FYN: variants seen among roughly 807,000 people sequenced by gnomAD.
The protein encoded by FYN is tyrosine-protein kinase Fyn.
A neutral mutation model predicts 70.2 loss-of-function variants in FYN; 10 were observed. The observed-to-expected ratio is 0.14, with a 90% confidence interval of 0.09 to 0.24. The LOEUF (loss-of-function observed/expected upper bound fraction) is 0.24, where lower values mean the gene tolerates loss of function less well. Ranked by LOEUF, FYN falls within the 10% of genes least tolerant of loss-of-function variation. The pLI is 1.00. For missense variants in FYN, 319 were observed against 673.1 expected, an observed-to-expected ratio of 0.47 and a Z score of 5.82; for synonymous variants, 236 against 248.6, an observed-to-expected ratio of 0.95 and a Z score of 0.48.
intron 13 of FYN, among the ~76,000 whole-genome samples, chr6:111,666,219 T>C (rs1284987061): frequency 6.6e-6 from 1 of 152,098 alleles, no homozygotes; most frequent in Non-Finnish European, 1.5e-5. Flanking sequence ...AGGGAAACAA[T>C]GTCATAAACA....
intron 3 of FYN, among the ~76,000 whole-genome samples, chr6:111,759,593 T>A (rs953414410): frequency 8.5e-5 from 13 of 152,280 alleles, no homozygotes; most frequent in Middle Eastern, 3.4e-3. Context: ...GATCTTTTGG[T>A]TCCCCCCCTA....
chr6:111,751,591 A>G (rs1040383593), intron 3 of FYN, among the ~76,000 whole-genome samples: 1 of 151,712 alleles, frequency 6.6e-6, no homozygotes, highest in East Asian at 1.9e-4. Flanking sequence ...TATAGGACAG[A>G]TGTGCAGAAG....
At chr6:111,718,735 G>A (rs1164001353) in intron 4 of FYN, among the ~76,000 whole-genome samples, 3 of 152,180 alleles carry the variant, frequency 2.0e-5, no homozygotes, top group Admixed American at 6.5e-5. Context: ...TACTTAGCAC[G>A]TATTCAACCC....
At chr6:111,750,012 C>A (rs1041116473) in intron 3 of FYN, among the ~76,000 whole-genome samples, 4 of 152,104 alleles carry the variant, frequency 2.6e-5, no homozygotes, top group African/African-American at 9.7e-5. Flanking sequence ...AGTCTGACAT[C>A]TTTAACTTCT....
intron 9 of FYN, 39 bp downstream of exon 9, chr6:111,700,065 C>A (rs757253149): frequency 5.0e-6 from 8 of 1,589,440 alleles, no homozygotes; most frequent in Non-Finnish European, 5.2e-6. Context: ...ATCTTCCAAA[C>A]GGGGAAGCTA....
chr6:111,672,802 A>C (rs780742299), intron 13 of FYN, among the ~76,000 whole-genome samples: 1 of 152,150 alleles, frequency 6.6e-6, no homozygotes, highest in East Asian at 1.9e-4. Context: ...CAGTGACTGA[A>C]GCTACGCTGA....
In FYN at chr6:111,872,971, C is replaced by T. The variant is rs1344712748; in HGVS notation, c.-126G>A. 9 of 150,168 alleles carry T rather than the reference C, an allele frequency of 6.0e-5. No individual in the cohort carries two copies. The highest frequency in any genetic ancestry group is 2.0e-4 in the Admixed American group (3 of 15,110). 9.3% of individuals were successfully genotyped at this position (150,168 alleles called of 1,614,324 possible). ...CGCATCCCCGCCGCCTGCTTACCTG[C>T]GCGGCGCTGAGGCTCCGGAGCCCAC... On this transcript the variant is annotated 5_prime_UTR_variant, in exon 1 of 14. Transcript: ENST00000354650.
chr6:111,699,498 T>C (rs762214195), intron 9 of FYN: 2 of 1,606,232 alleles, frequency 1.2e-6, no homozygotes, highest in Admixed American at 1.7e-5. Context: ...CAAAACAAAA[T>C]GTGCCCTCTG....
chr6:111,816,347 C>T (rs1158839551), intron 2 of FYN, among the ~76,000 whole-genome samples: 6 of 152,078 alleles, frequency 3.9e-5, no homozygotes, highest in Admixed American at 6.5e-5. Flanking sequence ...AATAGTTACA[C>T]GATGCTAAAA....
At chr6:111,863,132 C>T (rs1040655127) in intron 1 of FYN, among the ~76,000 whole-genome samples, 3 of 152,152 alleles carry the variant, frequency 2.0e-5, no homozygotes, top group African/African-American at 7.2e-5. Context: ...CTACATTAGC[C>T]GGCACATCCA....
intron 3 of FYN, among the ~76,000 whole-genome samples, chr6:111,778,948 A>G (rs1224082352): frequency 6.6e-6 from 1 of 151,900 alleles, no homozygotes; most frequent in Non-Finnish European, 1.5e-5. Context: ...AAAGCATACA[A>G]CTGCATAAAT....
At chr6:111,763,021 A>C (rs946618129) in intron 3 of FYN, among the ~76,000 whole-genome samples, 4 of 152,182 alleles carry the variant, frequency 2.6e-5, no homozygotes, top group African/African-American at 9.7e-5. Flanking sequence ...TTTATCTTTC[A>C]GGCCCCCTGA....
At chr6:111,688,327 A>G (rs1422653712) in intron 12 of FYN, among the ~76,000 whole-genome samples, 2 of 152,190 alleles carry the variant, frequency 1.3e-5, no homozygotes, top group Non-Finnish European at 2.9e-5. Flanking sequence ...GTGTGCAAGG[A>G]ATATCAATGC....
chr6:111,869,450 G>C (rs578120019), intron 1 of FYN, among the ~76,000 whole-genome samples: 2 of 152,342 alleles, frequency 1.3e-5, no homozygotes, highest in East Asian at 3.9e-4. Context: ...GAGTACAGTG[G>C]TATGACCTCA....
intron 3 of FYN, among the ~76,000 whole-genome samples, chr6:111,779,596 A>T (rs533406682): frequency 6.6e-6 from 1 of 152,344 alleles, no homozygotes; most frequent in African/African-American, 2.4e-5. Flanking sequence ...AGCTTGTCTA[A>T]GAATGGGTCA....
chr6:111,713,544 C>T (rs534280429), intron 5 of FYN, among the ~76,000 whole-genome samples: 1 of 151,800 alleles, frequency 6.6e-6, no homozygotes, highest in Non-Finnish European at 1.5e-5. Flanking sequence ...GGAACCCCAC[C>T]CCCCCACACT....
chr6:111,718,952 T>C (rs564788813), intron 4 of FYN, among the ~76,000 whole-genome samples: 3 of 152,318 alleles, frequency 2.0e-5, no homozygotes, highest in South Asian at 4.1e-4. Context: ...AATGCCTTAG[T>C]AGTGCCTCCT....
intron 1 of FYN, among the ~76,000 whole-genome samples, chr6:111,865,352 C>T (rs751104715): frequency 6.6e-6 from 1 of 152,204 alleles, no homozygotes; most frequent in Non-Finnish European, 1.5e-5. Flanking sequence ...CAGGCTGAGA[C>T]AAATGGGAAA....
At chr6:111,738,542 C>G (rs1801806450) in intron 3 of FYN, among the ~76,000 whole-genome samples, 2 of 152,232 alleles carry the variant, frequency 1.3e-5, no homozygotes, top group Admixed American at 6.5e-5. Flanking sequence ...TTCTGAGGAT[C>G]TGGGAAAATC....
Sources: gnomAD v4.1 joint callset for allele counts (sites outside exome capture counted in the v4.1 genomes callset) on GRCh38, gnomAD v4.1.1 for gene constraint, MANE v1.5 for transcripts, NCBI Gene and HGNC (gene_info 2026-07-23, HGNC 2026-07-21) for gene names.